UGT1A8: variants seen among roughly 807,000 people sequenced by gnomAD.
UGT1A8 encodes UDP glucuronosyltransferase family 1 member A8, also known as UDP-glucuronosyltransferase 1A8.
Under a neutral mutation model 45.3 loss-of-function variants are expected in UGT1A8, and 39 were observed. The ratio of observed to expected loss-of-function variants is 0.86; its 90% confidence interval spans 0.67 to 1.12. The LOEUF (loss-of-function observed/expected upper bound fraction) is 1.12. UGT1A8 is among the 50% of genes most tolerant of loss of function. The pLI, the probability that UGT1A8 is intolerant of heterozygous loss-of-function variation, is 0.00. For synonymous variants in UGT1A8, 275 were observed against 249.2 expected, an observed-to-expected ratio of 1.10 and a Z score of -0.97; for missense variants, 719 against 664.9, an observed-to-expected ratio of 1.08 and a Z score of -0.90.
chr2:233,619,589 A>C (rs912516065), intron 1 of UGT1A8, among the ~76,000 whole-genome samples: 1 of 152,202 alleles, frequency 6.6e-6, no homozygotes, highest in Non-Finnish European at 1.5e-5. Flanking sequence ...TACATAAATA[A>C]AAATTTTCAC....
chr2:233,716,165 T>C (rs990083164), intron 1 of UGT1A8, among the ~76,000 whole-genome samples: 2 of 152,214 alleles, frequency 1.3e-5, no homozygotes, highest in Non-Finnish European at 2.9e-5. Flanking sequence ...GGAGATGCAG[T>C]GCAGCATCTT....
chr2:233,765,693 AAAT>A (rs1266056248), intron 1 of UGT1A8, among the ~76,000 whole-genome samples: 9 of 147,360 alleles, frequency 6.1e-5, no homozygotes, highest in East Asian at 2.0e-4. Flanking sequence ...AACTTCAAGT[AAAT>A]AATAATAATA....
rs552716543 is a variant in UGT1A8 at position 233,625,589 on chromosome 2, C to T, written c.855+7027C>T. On this transcript the variant is annotated intron_variant, in intron 1 of 4. Coordinates refer to ENST00000373450, the MANE Select transcript of UGT1A8 (RefSeq NM_019076.5). Reference sequence around the variant, plus strand: ...GGATGAAGAAAATGTGGTACATATACACCATGGAATATGCAGTCATAAAAA... The same window carrying T: ...GGATGAAGAAAATGTGGTACATATATACCATGGAATATGCAGTCATAAAAA... Among the ~76,000 whole-genome samples the T allele has an allele frequency of 3.9e-5, 6 of 151,904 alleles. No homozygotes were observed. The East Asian group carries it at 1.2e-3, about 29-fold the overall frequency.
chr2:233,624,827 T>A (rs1267318784), intron 1 of UGT1A8, among the ~76,000 whole-genome samples: 1 of 152,186 alleles, frequency 6.6e-6, no homozygotes, highest in African/African-American at 2.4e-5. Flanking sequence ...ATCAGTGTTC[T>A]GTAGTTTTCA....
intron 1 of UGT1A8, among the ~76,000 whole-genome samples, chr2:233,661,336 C>A (rs2073959529): frequency 6.6e-6 from 1 of 152,058 alleles, no homozygotes; most frequent in Non-Finnish European, 1.5e-5. Context: ...CTGTCATTAC[C>A]ATTACCACCA....
chr2:233,645,005 G>A (rs2073561229), intron 1 of UGT1A8, among the ~76,000 whole-genome samples: 1 of 152,146 alleles, frequency 6.6e-6, no homozygotes, highest in African/African-American at 2.4e-5. Flanking sequence ...AGCTGAATTA[G>A]AGATATTGGG....
At chr2:233,704,427 A>G (rs939279482) in intron 1 of UGT1A8, among the ~76,000 whole-genome samples, 2 of 152,100 alleles carry the variant, frequency 1.3e-5, no homozygotes, top group Non-Finnish European at 1.5e-5. Flanking sequence ...ACTTAATTCC[A>G]GTTAAATATT....
chr2:233,699,351 C>T (rs2075500801), intron 1 of UGT1A8, among the ~76,000 whole-genome samples: 1 of 152,162 alleles, frequency 6.6e-6, no homozygotes, highest in Non-Finnish European at 1.5e-5. Flanking sequence ...GGGCTAACCT[C>T]TTTTCTTATT....
chr2:233,766,710 C>T (rs1053778775), intron 1 of UGT1A8, among the ~76,000 whole-genome samples: 3 of 152,122 alleles, frequency 2.0e-5, no homozygotes, highest in Non-Finnish European at 1.5e-5. Context: ...TCTGTGTTCT[C>T]TAAGTGGAAT....
chr2:233,695,036 G>A (rs2075254966), intron 1 of UGT1A8, among the ~76,000 whole-genome samples: 1 of 151,854 alleles, frequency 6.6e-6, no homozygotes, highest in Non-Finnish European at 1.5e-5. Flanking sequence ...ATACATTCTT[G>A]TTAACCATAG....
At chr2:233,695,166 A>AC (rs2075269757) in intron 1 of UGT1A8, among the ~76,000 whole-genome samples, 2 of 139,832 alleles carry the variant, frequency 1.4e-5, no homozygotes, top group African/African-American at 2.7e-5. Context: ...TCACTCTGTC[A>AC]TCAGGCTGGA....
intron 1 of UGT1A8, among the ~76,000 whole-genome samples, chr2:233,741,146 C>T (rs1691577481): frequency 6.6e-6 from 1 of 151,880 alleles, no homozygotes; most frequent in Admixed American, 6.6e-5. Flanking sequence ...CCATTTATGA[C>T]AGCACTAATC....
At chr2:233,716,512 C>T (rs1056007201) in intron 1 of UGT1A8, among the ~76,000 whole-genome samples, 3 of 152,196 alleles carry the variant, frequency 2.0e-5, no homozygotes, top group Non-Finnish European at 4.4e-5. Flanking sequence ...TCAGAGCTCT[C>T]AGCTTACCAT....
At chr2:233,637,555 C>T (rs551258383) in intron 1 of UGT1A8, among the ~76,000 whole-genome samples, 1 of 152,262 alleles carries the variant, frequency 6.6e-6, no homozygotes, top group African/African-American at 2.4e-5. Context: ...TATAAAACTG[C>T]CCTTCTTGAA....
chr2:233,747,148 T>C (rs2125883163), intron 1 of UGT1A8: 2 of 1,570,870 alleles, frequency 1.3e-6, no homozygotes, highest in Non-Finnish European at 1.7e-6. Flanking sequence ...GTAATTAAGA[T>C]GAAGAAAACA....
intron 1 of UGT1A8, among the ~76,000 whole-genome samples, chr2:233,701,290 G>C (rs1052682506): frequency 2.0e-5 from 3 of 151,970 alleles, no homozygotes; most frequent in Non-Finnish European, 4.4e-5. Context: ...TTGAGGAATC[G>C]CCACACTGTC....
At chr2:233,702,895 A>G (rs2075712942) in intron 1 of UGT1A8, among the ~76,000 whole-genome samples, 1 of 152,172 alleles carries the variant, frequency 6.6e-6, no homozygotes. Flanking sequence ...TCATATCCAT[A>G]AGAGATATTG....
chr2:233,657,500 A>T (rs1349875947), intron 1 of UGT1A8, among the ~76,000 whole-genome samples: 4 of 152,194 alleles, frequency 2.6e-5, no homozygotes, highest in African/African-American at 9.7e-5. Context: ...CAGTTCTTGC[A>T]GGAGCAATAG....
intron 1 of UGT1A8, among the ~76,000 whole-genome samples, chr2:233,674,911 C>T (rs965291552): frequency 6.6e-6 from 1 of 152,166 alleles, no homozygotes; most frequent in Non-Finnish European, 1.5e-5. Flanking sequence ...GTTTCAGATG[C>T]CAGGATGTGT....
Sources: gnomAD v4.1 joint callset for allele counts (sites outside exome capture counted in the v4.1 genomes callset) on GRCh38, gnomAD v4.1.1 for gene constraint, MANE v1.5 for transcripts, NCBI Gene and HGNC (gene_info 2026-07-23, HGNC 2026-07-21) for gene names.